Variants in PTGES3 observed in about 807,000 individuals in gnomAD.
PTGES3 encodes Hsp90 co-chaperone.
In PTGES3, 5 loss-of-function variants were observed where a neutral mutation model predicts 29.9. The observed-to-expected ratio is 0.17, with a 90% CI of 0.09 to 0.35. The LOEUF is 0.35. Among genes scored for constraint, PTGES3 ranks in the 10% least tolerant of loss-of-function variants. The pLI is 1.00. For missense variants in PTGES3, 128 were observed against 190.0 expected, an observed-to-expected ratio of 0.67 and a Z score of 1.92; for synonymous variants, 49 against 57.8, an observed-to-expected ratio of 0.85 and a Z score of 0.69.
chr12:56,685,838 G>A (rs1401193666), intron 1 of PTGES3, among the ~76,000 whole-genome samples: 1 of 130,802 alleles, frequency 7.6e-6, no homozygotes, highest in Non-Finnish European at 1.5e-5. Context: ...GTACAACGGC[G>A]CAATCTCTGC....
intron 3 of PTGES3, among the ~76,000 whole-genome samples, chr12:56,672,219 C>A (rs1952031897): frequency 6.6e-6 from 1 of 152,122 alleles, no homozygotes; most frequent in South Asian, 2.1e-4. Context: ...TAAGGGAAGC[C>A]TTGGCCGGGC....
chr12:56,675,086 G>C (rs1035841160), intron 1 of PTGES3, among the ~76,000 whole-genome samples: 1 of 150,018 alleles, frequency 6.7e-6, no homozygotes, highest in African/African-American at 2.5e-5. Context: ...CGGATCACGA[G>C]GTCAGGAGTT....
At position 56,688,154 on chromosome 12, in the gene PTGES3, C is replaced by T; in HGVS notation, c.-155G>A. On this transcript the variant is annotated 5_prime_UTR_variant, in exon 1 of 8. Transcript: ENST00000262033. The stretch of plus-strand genomic sequence containing the variant: ...CTCAGGCGACGGCGGCAGCGGCGGG[C>T]TCGACCTCGGGCCCCAGAATGCACC... 2 of 1,347,684 alleles carry T rather than the reference C, an allele frequency of 1.5e-6. No individual in the cohort carries two copies. Among genetic ancestry groups the T allele is most frequent in the South Asian group, 1.6e-5 (1 of 62,606 alleles). The allele number at this position is 1,347,684 out of a possible 1,614,324, so 83.5% of individuals were successfully genotyped here.
chr12:56,665,667 A>G, intron 6 of PTGES3: 1 of 978,854 alleles, frequency 1.0e-6, no homozygotes, highest in Non-Finnish European at 1.2e-6. Context: ...TTTGAGATGG[A>G]GCCTCGCTCT....
At chr12:56,687,477 T>A in intron 1 of PTGES3, 1 of 990,844 alleles carries the variant, frequency 1.0e-6, no homozygotes, top group South Asian at 4.5e-5. Flanking sequence ...CATGGCTTCC[T>A]TCTAGTTGCC....
intron 1 of PTGES3, among the ~76,000 whole-genome samples, chr12:56,676,472 G>C (rs1327526552): frequency 1.3e-5 from 2 of 152,114 alleles, no homozygotes; most frequent in East Asian, 1.9e-4. Context: ...GGCAGTGAGA[G>C]AGTGATATTT....
intron 6 of PTGES3, 118 bp downstream of exon 6, chr12:56,666,081 CCTTTT>C (rs888952363): frequency 7.8e-6 from 11 of 1,402,224 alleles, no homozygotes; most frequent in Non-Finnish European, 8.4e-6. Flanking sequence ...ATTGCTTTTC[CCTTTT>C]CTTTTTTTTT....
intron 1 of PTGES3, among the ~76,000 whole-genome samples, chr12:56,681,162 A>ACCCCAATCCTATTTCAGACAG (rs1175838375): frequency 2.6e-5 from 4 of 151,904 alleles, no homozygotes; most frequent in Non-Finnish European, 4.4e-5. Flanking sequence ...GATCTCGTGA[A>ACCCCAATCCTATTTCAGACAG]CCCCAATCCT....
intron 1 of PTGES3, among the ~76,000 whole-genome samples, chr12:56,675,568 G>T (rs973905410): frequency 2.7e-5 from 4 of 150,520 alleles, no homozygotes; most frequent in African/African-American, 7.4e-5. Flanking sequence ...GATATTTGTG[G>T]CCTGCAAAGC....
chr12:56,673,813 A>AT (rs1491200665), intron 1 of PTGES3, among the ~76,000 whole-genome samples: 1 of 126,292 alleles, frequency 7.9e-6, no homozygotes, highest in African/African-American at 2.9e-5. Flanking sequence ...AAAAAAAAAA[A>AT]TTAGCTGGGC....
In PTGES3 at chr12:56,663,387, T is replaced by C. The variant is rs890455260; in HGVS notation, c.*1092A>G. 3 of 140,642 alleles carry C rather than the reference T, an allele frequency of 2.1e-5. No homozygotes were observed. Among genetic ancestry groups the C allele is most frequent in the Non-Finnish European group, 3.2e-5 (2 of 63,218 alleles). 8.7% of individuals were successfully genotyped at this position (140,642 alleles called of 1,614,324 possible). A position where few individuals can be genotyped will look rare whatever the true frequency, so the allele number is the denominator to read the frequency against. The stretch of plus-strand genomic sequence containing the variant: ...CACATTTAGTTTTATTTCAATCAAA[T>C]CACACAACACTTTCTTTTCCAACTG... On this transcript the variant is annotated 3_prime_UTR_variant, in exon 8 of 8. Transcript: ENST00000262033.
At position 56,688,209 on chromosome 12, in the gene PTGES3, G is replaced by T. The variant is rs1952980415; in HGVS notation, c.-210C>A. 4.5e-6 allele frequency: 4 copies of T among 889,930 alleles called. No individual in the cohort carries two copies. In the East Asian group the frequency reaches 9.9e-5, roughly 22 times the overall value. 55.1% of individuals were successfully genotyped at this position (889,930 alleles called of 1,614,324 possible). ...GGAAAGAGCGGCTCCTCCGGTCGGGGAGAAGAGGAAAGTGTAGGAAAAGGG... is the reference window on the plus strand; with the variant it reads ...GGAAAGAGCGGCTCCTCCGGTCGGGTAGAAGAGGAAAGTGTAGGAAAAGGG... On this transcript the variant is annotated 5_prime_UTR_variant, in exon 1 of 8. Transcript: ENST00000262033.
chr12:56,685,987 G>A (rs1169107070), intron 1 of PTGES3, among the ~76,000 whole-genome samples: 1 of 151,766 alleles, frequency 6.6e-6, no homozygotes, highest in Non-Finnish European at 1.5e-5. Context: ...ATATTGGCCA[G>A]GCTGGTCTCT....
rs1473288116 is a variant in PTGES3 at position 56,664,610 on chromosome 12, TA to T, written c.464-113del. The T allele has an allele frequency of 2.7e-5, 38 of 1,383,368 alleles. No homozygotes were observed. In the African/African-American group the frequency reaches 5.3e-4, roughly 19 times the overall value. The allele number at this position is 1,383,368 out of a possible 1,614,324, so 85.7% of individuals were successfully genotyped here. A position where few individuals can be genotyped will look rare whatever the true frequency, so the allele number is the denominator to read the frequency against. ...CGAAATACATAGTTGCCCAATGAATTAATAGGTTGTCTTGCTATCAAGTTAT... is the reference window on the plus strand; with the variant it reads ...CGAAATACATAGTTGCCCAATGAATTATAGGTTGTCTTGCTATCAAGTTAT... On this transcript the variant is annotated intron_variant, in intron 7 of 7. Transcript: ENST00000262033.
intron 1 of PTGES3, chr12:56,687,351 C>A (rs559102304): frequency 2.0e-6 from 2 of 988,154 alleles, no homozygotes; most frequent in Admixed American, 1.2e-4. Context: ...GCCAGGGAAG[C>A]GGCTGAGTTT....
In PTGES3 at chr12:56,676,875, C is replaced by A. The variant is rs112816816; in HGVS notation, c.3-3810G>T. Among the ~76,000 whole-genome samples, 399 of 128,996 alleles carry A rather than the reference C, an allele frequency of 3.1e-3. 4 individuals carry two copies. Among genetic ancestry groups the A allele is most frequent in the African/African-American group, 0.012 (389 of 33,374 alleles). The allele number at this position is 128,996 out of a possible 152,430, so 84.6% of individuals were successfully genotyped here. On this transcript the variant is annotated intron_variant, in intron 1 of 7. Coordinates refer to ENST00000262033, the MANE Select transcript of PTGES3 (RefSeq NM_006601.7). ...GGTGGAGGTTGCAGTGAGCTGAGAT[C>A]GTGCCACTGCACTGCAGCCTGGGTG... is the stretch of plus-strand genomic sequence containing the variant.
chr12:56,683,062 C>T (rs1006207129), intron 1 of PTGES3, among the ~76,000 whole-genome samples: 2 of 151,948 alleles, frequency 1.3e-5, no homozygotes, highest in Admixed American at 6.6e-5. Flanking sequence ...TAGAATCTAT[C>T]ATTGCCGGCT....
At chr12:56,687,752 T>A in intron 1 of PTGES3, 3 of 1,376,140 alleles carry the variant, frequency 2.2e-6, no homozygotes, top group Non-Finnish European at 2.8e-6. Flanking sequence ...GCCAAAGGGG[T>A]AAAAGTAGGA....
intron 1 of PTGES3, among the ~76,000 whole-genome samples, chr12:56,675,013 A>AAAAAAC (rs2137646747): frequency 6.9e-6 from 1 of 145,762 alleles, no homozygotes; most frequent in Non-Finnish European, 1.5e-5. Context: ...TCAAAAAAAA[A>AAAAAAC]AAAAAAAAAA....
Sources: allele counts gnomAD v4.1 joint callset (sites outside exome capture counted in the v4.1 genomes callset), GRCh38; gene constraint gnomAD v4.1.1; transcripts MANE v1.5; gene names NCBI Gene and HGNC (gene_info 2026-07-23, HGNC 2026-07-21).